CHD1: variants seen among roughly 807,000 people sequenced by gnomAD.
The protein encoded by CHD1 is ATP-dependent chromatin remodeler CHD1.
In CHD1, 36 loss-of-function variants were observed where a neutral mutation model predicts 224.2. The ratio of observed to expected loss-of-function variants is 0.16; its 90% CI spans 0.12 to 0.21. The LOEUF (loss-of-function observed/expected upper bound fraction) is 0.21. Ranked by LOEUF, CHD1 falls within the 10% of genes least tolerant of loss-of-function variation. The pLI is 1.00. For synonymous variants in CHD1, 668 were observed against 658.3 expected (o/e 1.01, Z -0.23); for missense variants, 1,378 against 1,994.8 (o/e 0.69, Z 5.89).
intron 9 of CHD1, 79 bp downstream of exon 9, chr5:98,898,585 G>A: frequency 8.2e-7 from 1 of 1,223,904 alleles, no homozygotes. Context: ...TGTTTGATAT[G>A]TAAGTGGCAA....
At chr5:98,920,377 C>G (rs1420859766) in intron 2 of CHD1, among the ~76,000 whole-genome samples, 1 of 152,166 alleles carries the variant, frequency 6.6e-6, no homozygotes, top group Non-Finnish European at 1.5e-5. Flanking sequence ...ACTACCTTGA[C>G]CAAGTGAGAG....
At chr5:98,875,178 G>A in intron 24 of CHD1, 65 bp from the exon 25 acceptor site, 2 of 850,328 alleles carry the variant, frequency 2.4e-6, no homozygotes, top group East Asian at 5.2e-5. Context: ...ACGTATTTCT[G>A]ATATTTACAG....
chr5:98,874,529 G>A (rs1327903284), intron 25 of CHD1, among the ~76,000 whole-genome samples: 17 of 122,352 alleles, frequency 1.4e-4, no homozygotes, highest in African/African-American at 5.2e-4. Flanking sequence ...GTGAAACCCC[G>A]TCTCTACTAA....
At chr5:98,875,252 C>T (rs752569944) in intron 24 of CHD1, 139 bp from the exon 25 acceptor site, 45 of 530,896 alleles carry the variant, frequency 8.5e-5, no homozygotes, top group Non-Finnish European at 1.3e-4. Flanking sequence ...AATGAATAAA[C>T]TATGCTAAAA....
chr5:98,923,451 T>C lies in CHD1; in HGVS notation c.53+2883A>G, dbSNP rs116617976. Among the ~76,000 whole-genome samples, 772 of 152,124 alleles carry C rather than the reference T, an allele frequency of 5.1e-3. 9 individuals are homozygous for C. Among genetic ancestry groups the C allele is most frequent in the African/African-American group, 0.018 (742 of 41,492 alleles). ...TTTTTTTTTGAGACGGAGTTTCACT[T>C]GTTTCCCAGGCTGGAGTGCAATCGC... On this transcript the variant is annotated intron_variant, in intron 2 of 35. Transcript: ENST00000614616.
intron 2 of CHD1, among the ~76,000 whole-genome samples, chr5:98,914,866 T>C (rs994747447): frequency 7.0e-6 from 1 of 143,546 alleles, no homozygotes; most frequent in Admixed American, 6.8e-5. Context: ...TTCACAGTAT[T>C]ACAATTATTT....
At position 98,881,285 on chromosome 5, in the gene CHD1, C is replaced by CTTTTTTTTTTTTTTTT; in HGVS notation, c.2957_2958insAAAAAAAAAAAAAAAA (p.Pro987LysfsTer13). The CTTTTTTTTTTTTTTTT allele has an allele frequency of 1.1e-6, 1 of 900,764 alleles. No individual in the cohort carries two copies. The highest frequency in any genetic ancestry group is 1.6e-6 in the Non-Finnish European group (1 of 638,114). The allele number at this position is 900,764 out of a possible 1,614,324, so 55.8% of individuals were successfully genotyped here. On this transcript the variant is annotated frameshift_variant, in exon 21 of 36. Coordinates refer to ENST00000614616, the MANE Select transcript of CHD1 (RefSeq NM_001270.4). LOFTEE classifies it high-confidence loss of function. ...TTTTTTTTTTTTTTTTTACCTGGGGCTCTTGTTCTTCTCCTTCAGGTTCCT... is the reference window on the plus strand; with the variant it reads ...TTTTTTTTTTTTTTTTTACCTGGGGCTTTTTTTTTTTTTTTTTCTTGTTCTTCTCCTTCAGGTTCCT...
chr5:98,863,679 A>T (rs1748643798), intron 31 of CHD1, 93 bp from the exon 32 acceptor site: 1 of 794,632 alleles, frequency 1.3e-6, no homozygotes, highest in Non-Finnish European at 2.0e-6. Context: ...CATGAGTATA[A>T]TATTATAACA....
chr5:98,877,879 CT>C (rs766067742), intron 23 of CHD1, among the ~76,000 whole-genome samples: 4 of 152,206 alleles, frequency 2.6e-5, no homozygotes, highest in South Asian at 4.1e-4. Context: ...TGCTCCTACT[CT>C]AACAACAAAT....
chr5:98,905,165 C>A, intron 2 of CHD1, 67 bp from the exon 3 acceptor site: 1 of 1,579,298 alleles, frequency 6.3e-7, no homozygotes, highest in Non-Finnish European at 8.6e-7. Flanking sequence ...TAGACGTCAG[C>A]AGAAAGCCCC....
chr5:98,866,289 C>T (rs566307276), intron 31 of CHD1, among the ~76,000 whole-genome samples: 2 of 152,216 alleles, frequency 1.3e-5, no homozygotes, highest in Non-Finnish European at 2.9e-5. Context: ...CTCCAATACT[C>T]CCAGTGACTG....
At chr5:98,885,175 T>C (rs1750559579) in intron 18 of CHD1, among the ~76,000 whole-genome samples, 1 of 152,172 alleles carries the variant, frequency 6.6e-6, no homozygotes, top group Non-Finnish European at 1.5e-5. Flanking sequence ...GTGGATCACC[T>C]GAGGTCAGGA....
chr5:98,920,303 G>A (rs1040554333), intron 2 of CHD1, among the ~76,000 whole-genome samples: 3 of 152,046 alleles, frequency 2.0e-5, no homozygotes. Flanking sequence ...AAAATGACTT[G>A]CTTCCAAAGA....
chr5:98,858,816 T>C (rs1011014095), intron 34 of CHD1, 148 bp downstream of exon 34: 7 of 483,260 alleles, frequency 1.4e-5, no homozygotes, highest in Non-Finnish European at 2.5e-5. Flanking sequence ...AATGTAGGTA[T>C]GTATCAGAAT....
chr5:98,858,571 G>T (rs1748222289), intron 34 of CHD1, 181 bp from the exon 35 acceptor site: 1 of 541,480 alleles, frequency 1.8e-6, no homozygotes. Flanking sequence ...ATTAAAAAAG[G>T]TTGCTTGATT....
intron 2 of CHD1, among the ~76,000 whole-genome samples, chr5:98,908,252 CTTTTTA>C (rs752481447): frequency 1.3e-5 from 2 of 152,100 alleles, no homozygotes; most frequent in Non-Finnish European, 2.9e-5. Context: ...CTTCTCTTTT[CTTTTTA>C]TTATGTAATT....
In CHD1 at chr5:98,856,267, T is replaced by C. The variant is rs574692812; in HGVS notation, c.*113A>G. 2.8e-6 allele frequency: 2 copies of C among 709,740 alleles called. No homozygotes were observed. Among genetic ancestry groups the C allele is most frequent in the African/African-American group, 3.6e-5 (2 of 56,308 alleles). The allele number at this position is 709,740 out of a possible 1,614,324, so 44.0% of individuals were successfully genotyped here. A position where few individuals can be genotyped will look rare whatever the true frequency, so the allele number is the denominator to read the frequency against. On this transcript the variant is annotated 3_prime_UTR_variant, in exon 36 of 36. Coordinates refer to ENST00000614616, the MANE Select transcript of CHD1 (RefSeq NM_001270.4). ...GCATCCTGGAAAGAAGTAACAATAC[T>C]GCTACTGATAGAAGATCTGTTTATA...
intron 3 of CHD1, among the ~76,000 whole-genome samples, chr5:98,904,674 G>C (rs1307613426): frequency 1.3e-5 from 2 of 152,194 alleles, no homozygotes; most frequent in African/African-American, 4.8e-5. Flanking sequence ...TTATTTGCCT[G>C]TGTGTAATTT....
intron 16 of CHD1, 76 bp from the exon 17 acceptor site, chr5:98,888,316 G>A: frequency 1.0e-6 from 1 of 1,001,624 alleles, no homozygotes; most frequent in South Asian, 2.0e-5. Flanking sequence ...TTAGTTGCCT[G>A]AATTATTTTA....
Sources: allele counts gnomAD v4.1 joint callset (sites outside exome capture counted in the v4.1 genomes callset), GRCh38; gene constraint gnomAD v4.1.1; transcripts MANE v1.5; gene names NCBI Gene and HGNC (gene_info 2026-07-23, HGNC 2026-07-21).